Variants in METTL25 observed in about 807,000 individuals in gnomAD.
METTL25 encodes probable methyltransferase-like protein 25.
A neutral mutation model predicts 71.6 loss-of-function variants in METTL25; 64 were observed. The observed-to-expected ratio is 0.89, with a 90% CI of 0.73 to 1.10. METTL25 has a LOEUF of 1.10. Ranked by LOEUF, METTL25 falls within the 50% of genes least tolerant of loss-of-function variation. The pLI is 0.00. For missense variants in METTL25, 807 were observed against 707.0 expected, an observed-to-expected ratio of 1.14 and a Z score of -1.60; for synonymous variants, 287 against 250.3, an observed-to-expected ratio of 1.15 and a Z score of -1.38.
intron 8 of METTL25, among the ~76,000 whole-genome samples, chr12:82,448,876 A>G (rs1890935358): frequency 6.6e-6 from 1 of 152,326 alleles, no homozygotes; most frequent in Non-Finnish European, 1.5e-5. Context: ...CAAAATAATA[A>G]TAATGTTACA....
intron 8 of METTL25, among the ~76,000 whole-genome samples, chr12:82,453,843 G>T (rs576804812): frequency 6.6e-6 from 1 of 152,024 alleles, no homozygotes; most frequent in Non-Finnish European, 1.5e-5. Flanking sequence ...CATTTATGGA[G>T]TTCCTGCTGT....
intron 1 of METTL25, among the ~76,000 whole-genome samples, chr12:82,372,931 C>G (rs750849193): frequency 1.3e-5 from 2 of 152,172 alleles, no homozygotes; most frequent in African/African-American, 4.8e-5. Flanking sequence ...AATAGTTGCA[C>G]TCACCGACGC....
At chr12:82,375,775 C>G (rs1883783203) in intron 1 of METTL25, among the ~76,000 whole-genome samples, 1 of 152,146 alleles carries the variant, frequency 6.6e-6, no homozygotes, top group Non-Finnish European at 1.5e-5. Flanking sequence ...CAGTATTCTT[C>G]AATACTGTGG....
At chr12:82,461,945 C>T (rs1422235395) in intron 9 of METTL25, among the ~76,000 whole-genome samples, 3 of 152,206 alleles carry the variant, frequency 2.0e-5, no homozygotes, top group Non-Finnish European at 4.4e-5. Flanking sequence ...ACTCTAGTTT[C>T]TCTTTAGGAC....
intron 8 of METTL25, among the ~76,000 whole-genome samples, chr12:82,443,204 A>T (rs1409330251): frequency 1.3e-5 from 2 of 152,106 alleles, no homozygotes; most frequent in African/African-American, 4.8e-5. Flanking sequence ...AAATCTTATG[A>T]TGAAGTAAAA....
chr12:82,438,156 A>G (rs1247783716), intron 7 of METTL25, among the ~76,000 whole-genome samples: 1 of 151,732 alleles, frequency 6.6e-6, no homozygotes, highest in Non-Finnish European at 1.5e-5. Flanking sequence ...AAGCATTGTC[A>G]AGAGTGCAAT....
intron 9 of METTL25, among the ~76,000 whole-genome samples, chr12:82,476,086 C>G (rs970834747): frequency 4.6e-5 from 7 of 151,964 alleles, no homozygotes; most frequent in African/African-American, 1.7e-4. Flanking sequence ...AGCAAAAGCA[C>G]AATTGAACTA....
rs751412068 is a variant in METTL25 at position 82,476,674 on chromosome 12, G to A, written c.1603G>A (p.Glu535Lys). Residue 535 changes from glutamate (E) to lysine (K), a missense_variant, in exon 10 of 12, where the codon GAG (glutamate) becomes AAG (lysine). Glu to Lys is a moderately conservative substitution (Grantham distance 56). Transcript: ENST00000248306. Reference protein sequence around the residue: ...LPEKIIMNYYEKYKPRMNELE... With the variant: ...LPEKIIMNYYKKYKPRMNELE... ...AGAAAAAATTATAATGAACTACTAC[G>A]AGAAGTATAAGCCTCGAATGAATGA... The A allele has an allele frequency of 3.7e-6, 6 of 1,600,788 alleles. No individual in the cohort carries two copies. The Admixed American group carries it at 8.6e-5, about 23-fold the overall frequency.
At chr12:82,360,333 A>C (rs1198936592) in intron 1 of METTL25, among the ~76,000 whole-genome samples, 1 of 152,094 alleles carries the variant, frequency 6.6e-6, no homozygotes, top group Non-Finnish European at 1.5e-5. Context: ...TAATCTTTAC[A>C]TCAGCCTTGC....
At chr12:82,457,753 A>G (rs1224725420) in intron 9 of METTL25, among the ~76,000 whole-genome samples, 1 of 152,104 alleles carries the variant, frequency 6.6e-6, no homozygotes, top group Non-Finnish European at 1.5e-5. Flanking sequence ...ACTATGAGTA[A>G]CAACACAATC....
Position 82,438,724 on chromosome 12 carries a change from A to T in METTL25, c.1411A>T (p.Thr471Ser). 6.8e-7 allele frequency: 1 copy of T among 1,481,222 alleles called. No individual in the cohort carries two copies. The highest frequency in any genetic ancestry group is 1.5e-5 in the South Asian group (1 of 68,692). The allele number at this position is 1,481,222 out of a possible 1,614,324, so 91.8% of individuals were successfully genotyped here. The part of the protein sequence containing the change: ...ERVAAGQGLP[T>S]ESLFYRAVLQ... ...ATGTCTACATTTTTTTCAGCTGCCTACTGAATCACTCTTCTATCGTGCTGT... is the reference window on the plus strand; with the variant it reads ...ATGTCTACATTTTTTTCAGCTGCCTTCTGAATCACTCTTCTATCGTGCTGT... Residue 471 changes from threonine to serine, a missense_variant, in exon 8 of 12, where the codon ACT (threonine) becomes TCT (serine). Coordinates refer to ENST00000248306, the MANE Select transcript of METTL25 (RefSeq NM_032230.3).
intron 5 of METTL25, among the ~76,000 whole-genome samples, chr12:82,424,542 C>CTA (rs34300467): frequency 0.013 from 1,864 of 148,726 alleles, 22 homozygotes; most frequent in Middle Eastern, 0.029. Context: ...TAATATAAAA[C>CTA]TATATATATA....
chr12:82,423,612 A>C (rs1421001079), intron 5 of METTL25, among the ~76,000 whole-genome samples: 1 of 152,250 alleles, frequency 6.6e-6, no homozygotes, highest in Non-Finnish European at 1.5e-5. Context: ...GGCAACCTAC[A>C]GAATGGGAGA....
At chr12:82,473,914 A>G (rs563315438) in intron 9 of METTL25, among the ~76,000 whole-genome samples, 1 of 152,206 alleles carries the variant, frequency 6.6e-6, no homozygotes, top group South Asian at 2.1e-4. Flanking sequence ...GGCTTGGTGG[A>G]ATGAAGATAG....
At position 82,429,636 on chromosome 12, in the gene METTL25, T is replaced by G. The variant is rs186562060; in HGVS notation, c.1280-1257T>G. On this transcript the variant is annotated intron_variant, in intron 5 of 11. Coordinates refer to ENST00000248306, the MANE Select transcript of METTL25 (RefSeq NM_032230.3). ...GTTTTTTTGAGAAACCTCCATGCTG[T>G]TTTTCATATGGCTAGCTACATGATT... Among the ~76,000 whole-genome samples the G allele has an allele frequency of 2.1e-3, 320 of 151,772 alleles. 1 individual carries two copies. The highest frequency in any genetic ancestry group is 7.1e-3 in the African/African-American group (294 of 41,502).
At chr12:82,381,775 G>A (rs991036118) in intron 1 of METTL25, among the ~76,000 whole-genome samples, 10 of 152,338 alleles carry the variant, frequency 6.6e-5, no homozygotes, top group Non-Finnish European at 5.9e-5. Flanking sequence ...GCCTTAAAAT[G>A]TTTAAGTTTG....
chr12:82,375,579 A>G (rs1592602458), intron 1 of METTL25, among the ~76,000 whole-genome samples: 1 of 152,304 alleles, frequency 6.6e-6, no homozygotes, highest in East Asian at 1.9e-4. Context: ...CTGCCTCCCA[A>G]TCACTCACCT....
chr12:82,408,790 T>C (rs1015484328), intron 5 of METTL25, among the ~76,000 whole-genome samples: 1 of 152,176 alleles, frequency 6.6e-6, no homozygotes, highest in African/African-American at 2.4e-5. Context: ...TTGATCATTA[T>C]GCTAAAATAT....
chr12:82,380,040 A>C (rs1340673351), intron 1 of METTL25, among the ~76,000 whole-genome samples: 1 of 152,200 alleles, frequency 6.6e-6, no homozygotes, highest in Non-Finnish European at 1.5e-5. Context: ...ATAAATTTGG[A>C]AAGTTGATCC....
Sources: allele counts gnomAD v4.1 joint callset (sites outside exome capture counted in the v4.1 genomes callset), GRCh38; gene constraint gnomAD v4.1.1; transcripts MANE v1.5; gene names NCBI Gene and HGNC (gene_info 2026-07-23, HGNC 2026-07-21).